KIT: variants seen among roughly 807,000 people sequenced by gnomAD.
KIT encodes the protein mast/stem cell growth factor receptor Kit.
In KIT, 16 loss-of-function variants were observed where a neutral mutation model predicts 105.7. That is an observed-to-expected ratio of 0.15 (90% confidence interval 0.10 to 0.23). The LOEUF (loss-of-function observed/expected upper bound fraction) is 0.23, where lower values mean the gene tolerates loss of function less well. Among genes scored for constraint, KIT ranks in the 10% least tolerant of loss-of-function variants. The pLI is 1.00. For synonymous variants in KIT, 438 were observed against 441.1 expected (o/e 0.99, Z 0.09); for missense variants, 858 against 1,213.8 (o/e 0.71, Z 4.36).
At chr4:54,711,795 T>C (rs1721178398) in intron 7 of KIT, among the ~76,000 whole-genome samples, 1 of 151,822 alleles carries the variant, frequency 6.6e-6, no homozygotes, top group African/African-American at 2.4e-5. Context: ...CGATGATGAG[T>C]GCGTGTAATC....
intron 17 of KIT, 59 bp downstream of exon 17, chr4:54,733,251 T>C (rs751266357): frequency 1.3e-5 from 21 of 1,574,500 alleles, no homozygotes; most frequent in Non-Finnish European, 1.7e-5. Context: ...CAACTTTCGA[T>C]AAAAATTGTT....
At chr4:54,724,067 TC>T (rs1489285968) in intron 8 of KIT, among the ~76,000 whole-genome samples, 2 of 152,180 alleles carry the variant, frequency 1.3e-5, no homozygotes, top group Non-Finnish European at 2.9e-5. Flanking sequence ...AAAAATTACC[TC>T]AGTAGTTAAT....
At chr4:54,733,617 A>T (rs1722738250) in intron 17 of KIT, among the ~76,000 whole-genome samples, 1 of 152,178 alleles carries the variant, frequency 6.6e-6, no homozygotes, top group Non-Finnish European at 1.5e-5. Flanking sequence ...TGGATCCTAG[A>T]ATACACGGAG....
At chr4:54,673,506 T>C (rs966759160) in intron 1 of KIT, among the ~76,000 whole-genome samples, 9 of 152,232 alleles carry the variant, frequency 5.9e-5, no homozygotes, top group Non-Finnish European at 1.0e-4. Context: ...AAATCTTCAT[T>C]TTCTTCAATC....
intron 1 of KIT, among the ~76,000 whole-genome samples, chr4:54,688,891 G>A (rs1228425754): frequency 6.6e-6 from 1 of 152,218 alleles, no homozygotes; most frequent in Non-Finnish European, 1.5e-5. Context: ...GGACAGCTAG[G>A]AGATGGACAG....
chr4:54,693,449 C>A (rs866467196), intron 1 of KIT, among the ~76,000 whole-genome samples: 15 of 152,312 alleles, frequency 9.8e-5, no homozygotes, highest in African/African-American at 3.6e-4. Flanking sequence ...TCCTCAAACC[C>A]TTTTCTTTAA....
intron 8 of KIT, among the ~76,000 whole-genome samples, chr4:54,725,262 G>A (rs1283809271): frequency 4.6e-5 from 7 of 151,914 alleles, no homozygotes; most frequent in African/African-American, 9.7e-5. Context: ...CTGCCACCAC[G>A]CCCAGCTAAT....
chr4:54,689,401 A>G (rs191564598), intron 1 of KIT, among the ~76,000 whole-genome samples: 2 of 152,344 alleles, frequency 1.3e-5, no homozygotes, highest in Admixed American at 1.3e-4. Context: ...AGTATTGGAC[A>G]TTAAAAATGC....
intron 1 of KIT, among the ~76,000 whole-genome samples, chr4:54,668,077 A>G (rs2109557427): frequency 2.0e-5 from 3 of 152,346 alleles, no homozygotes; most frequent in Admixed American, 2.0e-4. Flanking sequence ...TGAAGCAAAG[A>G]TAGCAACAAA....
intron 7 of KIT, among the ~76,000 whole-genome samples, chr4:54,721,848 C>A (rs537767125): frequency 2.1e-4 from 32 of 152,232 alleles, no homozygotes; most frequent in Non-Finnish European, 3.8e-4. Flanking sequence ...AAAATATACA[C>A]CTTATCAGAC....
At position 54,663,544 on chromosome 4, in the gene KIT, G is replaced by T. The variant is rs370039911; in HGVS notation, c.67+5463G>T. ...TGGTTTTTTTTTTTCGTATTAAGAT[G>T]AAGTTGTTAATTAGTGGTAATGCAT... On this transcript the variant is annotated intron_variant, in intron 1 of 20. Coordinates refer to ENST00000288135, the MANE Select transcript of KIT (RefSeq NM_000222.3). Among the ~76,000 whole-genome samples, 17 of 148,648 alleles carry T rather than the reference G, an allele frequency of 1.1e-4. No homozygotes were observed. In the East Asian group the frequency reaches 3.4e-3, roughly 30 times the overall value.
chr4:54,680,517 G>A lies in KIT; in HGVS notation c.68-14995G>A, dbSNP rs542106483. On this transcript the variant is annotated intron_variant, in intron 1 of 20. Coordinates refer to ENST00000288135, the MANE Select transcript of KIT (RefSeq NM_000222.3). ...AGCGATTCTCCTGCCTCAGCCTGCC[G>A]AGTAGCTGGGACTACAGGCGCCCGC... is the stretch of plus-strand genomic sequence containing the variant. Among the ~76,000 whole-genome samples, 15 of 151,036 alleles carry A rather than the reference G, an allele frequency of 9.9e-5. No homozygotes were observed. The South Asian group carries it at 1.9e-3, about 19-fold the overall frequency.
At chr4:54,724,648 T>C (rs923655976) in intron 8 of KIT, among the ~76,000 whole-genome samples, 3 of 152,078 alleles carry the variant, frequency 2.0e-5, no homozygotes, top group Non-Finnish European at 2.9e-5. Context: ...GAGTTTATGT[T>C]CTAGTGCAGG....
At chr4:54,671,856 A>G (rs1340282071) in intron 1 of KIT, among the ~76,000 whole-genome samples, 6 of 152,184 alleles carry the variant, frequency 3.9e-5, no homozygotes, top group Non-Finnish European at 5.9e-5. Flanking sequence ...ACTTACCAAT[A>G]CGGCCTCTAC....
intron 7 of KIT, among the ~76,000 whole-genome samples, chr4:54,722,942 G>T (rs73234238): frequency 0.18 from 26,252 of 148,612 alleles, 3,731 homozygotes; most frequent in African/African-American, 0.4. Context: ...ATCTTAGGCT[G>T]GTTTTCTTTT....
At chr4:54,694,067 G>A (rs1560392077) in intron 1 of KIT, among the ~76,000 whole-genome samples, 1 of 152,132 alleles carries the variant, frequency 6.6e-6, no homozygotes, top group Non-Finnish European at 1.5e-5. Context: ...GGGTCCCTGA[G>A]GTACGTTCCC....
At chr4:54,668,487 A>C (rs1717863268) in intron 1 of KIT, among the ~76,000 whole-genome samples, 2 of 152,184 alleles carry the variant, frequency 1.3e-5, no homozygotes, top group Non-Finnish European at 2.9e-5. Context: ...GTGTTAGAAA[A>C]TTCCAAACAA....
At position 54,726,159 on chromosome 4, in the gene KIT, T is replaced by C. The variant is rs17084694; in HGVS notation, c.1540+109T>C. ...TGACCATGTCATTTCTGGTAATACA[T>C]GCATCACACCATACTGTCATCAAAC... On this transcript the variant is annotated intron_variant, in intron 9 of 20. Transcript: ENST00000288135. 0.096 allele frequency: 82,392 copies of C among 853,844 alleles called. 4,360 individuals carry two copies. The highest frequency in any genetic ancestry group is 0.15 in the African/African-American group (8,757 of 60,054). The allele number at this position is 853,844 out of a possible 1,614,324, so 52.9% of individuals were successfully genotyped here.
intron 20 of KIT, among the ~76,000 whole-genome samples, chr4:54,737,755 A>G (rs1723011355): frequency 6.6e-6 from 1 of 152,228 alleles, no homozygotes; most frequent in Non-Finnish European, 1.5e-5. Context: ...CATGCCCACA[A>G]GCCATATAGA....
Sources: gnomAD v4.1 joint callset for allele counts (sites outside exome capture counted in the v4.1 genomes callset) on GRCh38, gnomAD v4.1.1 for gene constraint, MANE v1.5 for transcripts, NCBI Gene and HGNC (gene_info 2026-07-23, HGNC 2026-07-21) for gene names.